The following ETNK2 variants were observed in gnomAD, a reference collection of about 807,000 sequenced individuals.
ETNK2 encodes the protein ethanolamine kinase 2.
In ETNK2, 33 loss-of-function variants were observed where a neutral mutation model predicts 46.2. The observed-to-expected ratio is 0.71, with a 90% CI of 0.54 to 0.96. The LOEUF (loss-of-function observed/expected upper bound fraction) is 0.96. Among genes scored for constraint, ETNK2 ranks in the 40% least tolerant of loss-of-function variants. The pLI, the probability that ETNK2 is intolerant of heterozygous loss-of-function variation, is 0.00. For synonymous variants in ETNK2, 194 were observed against 209.0 expected (o/e 0.93, Z 0.62); for missense variants, 445 against 509.7 (o/e 0.87, Z 1.22).
At chr1:204,135,629 T>C (rs1016857784) in intron 6 of ETNK2, among the ~76,000 whole-genome samples, 2 of 152,084 alleles carry the variant, frequency 1.3e-5, no homozygotes, top group African/African-American at 4.8e-5. Context: ...TTTCCATTCC[T>C]TAAAAGGGGC....
At chr1:204,140,443 G>A (rs1363654426) in intron 4 of ETNK2, among the ~76,000 whole-genome samples, 2 of 152,064 alleles carry the variant, frequency 1.3e-5, no homozygotes, top group Admixed American at 6.5e-5. Context: ...GTATTAATAC[G>A]CCCTGGGGTG....
chr1:204,141,109 A>T, intron 4 of ETNK2: 1 of 696,902 alleles, frequency 1.4e-6, no homozygotes, highest in Non-Finnish European at 2.6e-6. Context: ...TATAGGCATG[A>T]GCCACTGAGA....
Position 204,140,032 on chromosome 1 carries a change from C to T in ETNK2, c.868+3G>A. ...CACATGACTGTAGAAATGCCCCTCT[C>T]ACCTGCAAACTCATTGAAATGGTTG... On this transcript the variant is annotated splice_donor_region_variant and intron_variant, in intron 5 of 7. Transcript: ENST00000367202. 6.2e-7 allele frequency: 1 copy of T among 1,613,604 alleles called. No homozygotes were observed. The highest frequency in any genetic ancestry group is 1.3e-5 in the African/African-American group (1 of 75,052).
chr1:204,134,694 C>T, intron 6 of ETNK2, 106 bp from the exon 7 acceptor site: 1 of 1,607,404 alleles, frequency 6.2e-7, no homozygotes, highest in Non-Finnish European at 8.5e-7. Flanking sequence ...CAGCTAGGAC[C>T]CTGGAAGAGA....
At chr1:204,134,375 A>T in intron 7 of ETNK2, 140 bp downstream of exon 7, 1 of 893,220 alleles carries the variant, frequency 1.1e-6, no homozygotes, top group South Asian at 1.7e-5. Flanking sequence ...GCCCCGCTGG[A>T]GATGAGCTGG....
intron 3 of ETNK2, among the ~76,000 whole-genome samples, chr1:204,144,895 C>T (rs1208546189): frequency 1.3e-5 from 2 of 152,214 alleles, no homozygotes; most frequent in East Asian, 1.9e-4. Context: ...CCCCAGCATA[C>T]ATTATACACA....
rs114520188 is a variant in ETNK2, at chr1:204,134,666, G to A, written c.1015-78C>T. ...GACTCTACAGCACTGGAGGGATGCA[G>A]TCATTGTGGAAGACACACAGCTAGG... On this transcript the variant is annotated intron_variant, in intron 6 of 7. Transcript: ENST00000367202. The A allele has an allele frequency of 1.9e-3, 3,076 of 1,613,834 alleles. 40 individuals carry two copies. The African/African-American group carries it at 0.034, about 18-fold the overall frequency.
rs758154824 is a variant in ETNK2, at chr1:204,146,668, C to T, written c.615G>A (p.Thr205=). The T allele has an allele frequency of 6.9e-5, 112 of 1,613,838 alleles. No homozygotes were observed. Among genetic ancestry groups the T allele is most frequent in the Non-Finnish European group, 8.7e-5 (103 of 1,179,884 alleles). Residue 205 remains threonine (T), a synonymous_variant, in exon 3 of 8, where the codon ACG becomes ACA. Transcript: ENST00000367202. ...ILWHKMHNYF[T]LVKNEINPSL... ...TGGGGTTGATCTCGTTCTTCACAAG[C>T]GTGAAATAATTGTGCATCTTGTGCC...
chr1:204,133,462 G>A (rs777074696), intron 7 of ETNK2, among the ~76,000 whole-genome samples: 6 of 151,010 alleles, frequency 4.0e-5, no homozygotes, highest in Admixed American at 6.6e-5. Context: ...GGTGTGAAGC[G>A]ACATCTCACC....
chr1:204,149,689 G>T lies in ETNK2; in HGVS notation c.518+14C>A. On this transcript the variant is annotated intron_variant, in intron 2 of 7. Transcript: ENST00000367202. ...GAAGAATAGTAGAGACAGAGGCCCT[G>T]GCACCCTCCTCACCTGAAAAGCCGG... 1 of 1,566,006 alleles carries T rather than the reference G, an allele frequency of 6.4e-7. No homozygotes were observed. Among genetic ancestry groups the T allele is most frequent in the Non-Finnish European group, 8.7e-7 (1 of 1,154,956 alleles).
At chr1:204,143,856 G>A (rs3795578) in intron 3 of ETNK2, among the ~76,000 whole-genome samples, 63,593 of 151,806 alleles carry the variant, frequency 0.42, 13,684 homozygotes, top group Non-Finnish European at 0.48. Flanking sequence ...TCCGCCCCAC[G>A]TTCTCCCAGC....
intron 3 of ETNK2, among the ~76,000 whole-genome samples, chr1:204,145,005 TG>T (rs1657723873): frequency 6.6e-6 from 1 of 152,218 alleles, no homozygotes; most frequent in Non-Finnish European, 1.5e-5. Context: ...ATTTTTAAAT[TG>T]TTTTAAATCC....
intron 2 of ETNK2, among the ~76,000 whole-genome samples, chr1:204,148,080 CAGCAGGCTGAGG>C (rs1558238457): frequency 6.6e-6 from 1 of 152,162 alleles, no homozygotes; most frequent in Admixed American, 6.5e-5. Context: ...TGCAAAGCCT[CAGCAGGCTGAGG>C]TTGGGGGTGG....
intron 6 of ETNK2, among the ~76,000 whole-genome samples, chr1:204,136,331 G>A (rs1231874416): frequency 1.3e-5 from 2 of 151,688 alleles, no homozygotes; most frequent in African/African-American, 4.9e-5. Context: ...GGGAGTTTCA[G>A]GCTGCAGTGA....
intron 2 of ETNK2, chr1:204,147,478 C>G: frequency 1.9e-6 from 1 of 533,382 alleles, no homozygotes; most frequent in Non-Finnish European, 3.8e-6. Context: ...GAAGGAGGGC[C>G]TTGATAAAGA....
chr1:204,141,288 G>T, intron 4 of ETNK2, 27 bp downstream of exon 4: 1 of 1,613,960 alleles, frequency 6.2e-7, no homozygotes, highest in African/African-American at 1.3e-5. Flanking sequence ...AAACCCTGCT[G>T]CTGCCCCAGG....
intron 3 of ETNK2, among the ~76,000 whole-genome samples, chr1:204,145,098 G>T (rs570317781): frequency 6.6e-6 from 1 of 152,180 alleles, no homozygotes; most frequent in Non-Finnish European, 1.5e-5. Flanking sequence ...TGCTTATCTC[G>T]TCTAAATGAT....
rs2102306139 is a variant in ETNK2, at chr1:204,151,267, G to C, written c.258+328C>G. 1 of 470,258 alleles carries C rather than the reference G, an allele frequency of 2.1e-6. No individual in the cohort carries two copies. Among genetic ancestry groups the C allele is most frequent in the Non-Finnish European group, 3.8e-6 (1 of 265,596 alleles). 29.1% of individuals were successfully genotyped at this position (470,258 alleles called of 1,614,324 possible). A position where few individuals can be genotyped will look rare whatever the true frequency, so the allele number is the denominator to read the frequency against. ...CCTCCTCAGGTTTCAGAGCTGGCTG[G>C]GTACGCGCTTCTGGTCAGCGAGGGG... On this transcript the variant is annotated intron_variant, in intron 1 of 7. Transcript: ENST00000367202. The surrounding 1 kb of genome is among the most constrained non-coding windows in gnomAD (Gnocchi z 8.0).
intron 6 of ETNK2, 135 bp from the exon 7 acceptor site, chr1:204,134,723 G>T: frequency 6.3e-7 from 1 of 1,575,908 alleles, no homozygotes; most frequent in South Asian, 1.1e-5. Context: ...GGTCTCCCTA[G>T]CACAAGCTGG....
Sources: allele counts gnomAD v4.1 joint callset (sites outside exome capture counted in the v4.1 genomes callset), GRCh38; gene constraint gnomAD v4.1.1; non-coding constraint Gnocchi (gnomAD v3.1); transcripts MANE v1.5; gene names NCBI Gene and HGNC (gene_info 2026-07-23, HGNC 2026-07-21).